The following DROSHA variants were observed in gnomAD, a reference collection of about 807,000 sequenced individuals.
The protein encoded by DROSHA is drosha ribonuclease III.
DROSHA carries 56 observed loss-of-function variants against 181.9 expected under a neutral mutation model. That is an observed-to-expected ratio of 0.31 (90% CI 0.25 to 0.38). The LOEUF is 0.38. Ranked by LOEUF, DROSHA falls within the 10% of genes least tolerant of loss-of-function variation. The probability of loss-of-function intolerance (pLI) is 1.00; values close to 1 mark genes in which losing one functional copy is unlikely to be tolerated. For synonymous variants in DROSHA, 524 were observed against 591.2 expected, an observed-to-expected ratio of 0.89 and a Z score of 1.65; for missense variants, 1,218 against 1,743.5, an observed-to-expected ratio of 0.70 and a Z score of 5.37.
intron 26 of DROSHA, among the ~76,000 whole-genome samples, chr5:31,431,249 C>T (rs1296160412): frequency 6.6e-6 from 1 of 151,646 alleles, no homozygotes; most frequent in Non-Finnish European, 1.5e-5. Context: ...TGTATGTGAT[C>T]CTGAATCAAA....
intron 17 of DROSHA, 111 bp from the exon 18 acceptor site, chr5:31,468,174 C>G: frequency 7.8e-7 from 1 of 1,283,324 alleles, no homozygotes; most frequent in East Asian, 2.6e-5. Flanking sequence ...GCCTTGTCCC[C>G]AAAGGGAAAA....
chr5:31,448,257 T>C (rs1746546643), intron 23 of DROSHA, among the ~76,000 whole-genome samples: 1 of 152,216 alleles, frequency 6.6e-6, no homozygotes, highest in South Asian at 2.1e-4. Flanking sequence ...AAAGAACTGA[T>C]TTATATGATG....
intron 23 of DROSHA, among the ~76,000 whole-genome samples, chr5:31,441,937 T>C (rs1234194846): frequency 6.6e-6 from 1 of 152,236 alleles, no homozygotes; most frequent in Non-Finnish European, 1.5e-5. Flanking sequence ...CATATTTGGA[T>C]GTCTAATGCA....
intron 28 of DROSHA, among the ~76,000 whole-genome samples, chr5:31,423,953 T>C (rs1481337828): frequency 6.6e-6 from 1 of 152,218 alleles, no homozygotes; most frequent in Non-Finnish European, 1.5e-5. Context: ...TTTACAGGTT[T>C]TATACACTCT....
chr5:31,498,363 A>G (rs1419986339), intron 11 of DROSHA, among the ~76,000 whole-genome samples: 1 of 152,238 alleles, frequency 6.6e-6, no homozygotes, highest in Non-Finnish European at 1.5e-5. Flanking sequence ...CTTGTAAAAT[A>G]ACACAATAAC....
Position 31,489,916 on chromosome 5 carries a change from T to A in DROSHA, c.1842+3291A>T, listed in dbSNP as rs77065893. ...TTTTTGACGCGGAGTTTCGCTCTTG[T>A]CGCCCAGGCTGGAGTGCGGTGACGC... On this transcript the variant is annotated intron_variant, in intron 13 of 35. Coordinates refer to ENST00000344624, the MANE Select transcript of DROSHA (RefSeq NM_001382508.1). 5.3e-4 allele frequency among the ~76,000 whole-genome samples: 6 copies of A among 11,262 alleles called. No homozygotes were observed. The Non-Finnish European group carries it at 6.0e-3, about 11-fold the overall frequency. The allele number at this position is 11,262 out of a possible 152,430, so 7.4% of individuals were successfully genotyped here.
At chr5:31,451,914 C>T (rs1260458391) in intron 20 of DROSHA, among the ~76,000 whole-genome samples, 1 of 152,178 alleles carries the variant, frequency 6.6e-6, no homozygotes, top group Non-Finnish European at 1.5e-5. Flanking sequence ...TACCTCTCTG[C>T]CTCAGTTTCC....
chr5:31,443,294 AG>A (rs1457316574), intron 23 of DROSHA, among the ~76,000 whole-genome samples: 4 of 152,170 alleles, frequency 2.6e-5, no homozygotes, highest in East Asian at 1.9e-4. Context: ...CTGGGATTAC[AG>A]GTGTGAGCCA....
intron 23 of DROSHA, among the ~76,000 whole-genome samples, chr5:31,443,742 TAAGA>T (rs1745931369): frequency 6.6e-6 from 1 of 152,190 alleles, no homozygotes; most frequent in Non-Finnish European, 1.5e-5. Context: ...CAACTGAGAT[TAAGA>T]AAGATACTAC....
chr5:31,526,934 G>A (rs1740665437), intron 4 of DROSHA, 22 bp from the exon 5 acceptor site: 3 of 1,596,286 alleles, frequency 1.9e-6, no homozygotes, highest in Non-Finnish European at 2.6e-6. Context: ...AAAAGAAAAA[G>A]GGAAAAGTTT....
At chr5:31,433,619 A>T (rs1010049146) in intron 25 of DROSHA, among the ~76,000 whole-genome samples, 2 of 151,992 alleles carry the variant, frequency 1.3e-5, no homozygotes, top group African/African-American at 4.8e-5. Context: ...ATCTAGGCTC[A>T]CTGCAAGCTC....
At chr5:31,490,728 G>C (rs1168651691) in intron 13 of DROSHA, among the ~76,000 whole-genome samples, 1 of 152,066 alleles carries the variant, frequency 6.6e-6, no homozygotes, top group Non-Finnish European at 1.5e-5. Flanking sequence ...AATCAGATTG[G>C]TAAAGCAATT....
intron 4 of DROSHA, among the ~76,000 whole-genome samples, chr5:31,528,716 C>A (rs1740878166): frequency 6.6e-6 from 1 of 152,198 alleles, no homozygotes; most frequent in African/African-American, 2.4e-5. Flanking sequence ...CTTGCTCTCA[C>A]AACACTCTGT....
chr5:31,459,523 T>C (rs991492319), intron 20 of DROSHA, among the ~76,000 whole-genome samples: 1 of 151,916 alleles, frequency 6.6e-6, no homozygotes, highest in African/African-American at 2.4e-5. Context: ...AAGTATCTCA[T>C]ACAGACTAAA....
chr5:31,403,802 G>A (rs552407198), intron 35 of DROSHA, among the ~76,000 whole-genome samples: 1 of 152,228 alleles, frequency 6.6e-6, no homozygotes, highest in African/African-American at 2.4e-5. Context: ...CCTACTATCC[G>A]GCCCTTTACA....
chr5:31,482,058 T>C (rs1297403750), intron 16 of DROSHA, among the ~76,000 whole-genome samples: 1 of 152,150 alleles, frequency 6.6e-6, no homozygotes, highest in Non-Finnish European at 1.5e-5. Context: ...CAAGGGCTCC[T>C]GCCCAAGGGA....
chr5:31,410,658 C>G (rs1157767231), intron 31 of DROSHA, 88 bp downstream of exon 31: 2 of 1,481,468 alleles, frequency 1.4e-6, no homozygotes, highest in Non-Finnish European at 1.8e-6. Context: ...TTAGCCAGAA[C>G]ATAATAATAA....
chr5:31,467,018 G>A (rs763070376), intron 18 of DROSHA: 1 of 152,096 alleles, frequency 6.6e-6, no homozygotes, highest in Non-Finnish European at 1.5e-5. Context: ...TGACAAGAAG[G>A]GATTTTCCAA....
chr5:31,464,452 T>A (rs1199695764), intron 19 of DROSHA, 109 bp from the exon 20 acceptor site: 1 of 921,118 alleles, frequency 1.1e-6, no homozygotes, highest in African/African-American at 1.7e-5. Flanking sequence ...ACCCCTACAT[T>A]CAGATACTCA....
Sources: gnomAD v4.1 joint callset for allele counts (sites outside exome capture counted in the v4.1 genomes callset) on GRCh38, gnomAD v4.1.1 for gene constraint, MANE v1.5 for transcripts, NCBI Gene and HGNC (gene_info 2026-07-23, HGNC 2026-07-21) for gene names.